Variants in BAZ2B observed in about 807,000 individuals in gnomAD.
BAZ2B encodes the protein bromodomain adjacent to zinc finger domain protein 2B.
BAZ2B carries 91 observed loss-of-function variants against 246.0 expected under a neutral mutation model. That is an observed-to-expected ratio of 0.37 (90% CI 0.31 to 0.44). The LOEUF is 0.44. Among genes scored for constraint, BAZ2B ranks in the 20% least tolerant of loss-of-function variants. The pLI is 1.00. For synonymous variants in BAZ2B, 855 were observed against 860.0 expected (o/e 0.99, Z 0.10); for missense variants, 2,332 against 2,533.7 (o/e 0.92, Z 1.71).
the BAZ2B span, among the ~76,000 whole-genome samples, chr2:159,644,747 G>A: frequency 3.3e-5 from 5 of 152,066 alleles, no homozygotes; most frequent in Admixed American, 6.6e-5. Context: ...TGAGATTGAC[G>A]AATACACCCA....
the BAZ2B span, among the ~76,000 whole-genome samples, chr2:159,670,124 C>T: frequency 2.0e-5 from 3 of 152,092 alleles, no homozygotes; most frequent in Admixed American, 6.6e-5. Context: ...GCATGCACCA[C>T]CATGCCTGGC....
intron 6 of BAZ2B, among the ~76,000 whole-genome samples, chr2:159,445,536 C>G (rs1360319400): frequency 6.6e-6 from 1 of 152,134 alleles, no homozygotes; most frequent in African/African-American, 2.4e-5. Context: ...ACAGTCAAGG[C>G]TGACACACAC....
intron 2 of BAZ2B, among the ~76,000 whole-genome samples, chr2:159,553,412 A>AAG: frequency 7.7e-6 from 1 of 129,312 alleles, no homozygotes; most frequent in East Asian, 2.2e-4. Context: ...AAAAAAAAAA[A>AAG]AAAAGAAAAG....
At chr2:159,423,839 A>G (rs777598170) in intron 13 of BAZ2B, among the ~76,000 whole-genome samples, 2 of 152,260 alleles carry the variant, frequency 1.3e-5, no homozygotes, top group African/African-American at 2.4e-5. Context: ...AGATGTGAAC[A>G]GTAGACACTG....
chr2:159,439,854 A>T (rs879708630), intron 6 of BAZ2B, among the ~76,000 whole-genome samples: 28 of 152,112 alleles, frequency 1.8e-4, no homozygotes, highest in Admixed American at 8.5e-4. Context: ...AGAAAATATT[A>T]AAAAAAAGGT....
intron 2 of BAZ2B, among the ~76,000 whole-genome samples, chr2:159,541,941 C>T (rs1348909362): frequency 6.6e-6 from 1 of 151,984 alleles, no homozygotes; most frequent in African/African-American, 2.4e-5. Flanking sequence ...ACCAGGAAAA[C>T]AATGTATGAA....
At chr2:159,595,466 C>CTT (rs1690469677) in intron 1 of BAZ2B, among the ~76,000 whole-genome samples, 1 of 152,142 alleles carries the variant, frequency 6.6e-6, no homozygotes, top group African/African-American at 2.4e-5. Context: ...ATTTTTGCCA[C>CTT]TTTAAGAGGC....
chr2:159,393,175 G>A (rs2063554237), intron 20 of BAZ2B, among the ~76,000 whole-genome samples: 1 of 152,096 alleles, frequency 6.6e-6, no homozygotes, highest in East Asian at 1.9e-4. Context: ...GGAGTGAGAG[G>A]CAGAGGTCAG....
chr2:159,328,614 A>T (rs949512185), intron 34 of BAZ2B, among the ~76,000 whole-genome samples: 4 of 152,174 alleles, frequency 2.6e-5, no homozygotes, highest in African/African-American at 9.7e-5. Context: ...ATTAAATTTA[A>T]ATAGGGCCAT....
the BAZ2B span, among the ~76,000 whole-genome samples, chr2:159,679,271 CA>C: frequency 1.3e-3 from 85 of 64,458 alleles, no homozygotes; most frequent in Middle Eastern, 0.01. Flanking sequence ...GACTTCATCT[CA>C]AAAAAAAAAA....
At chr2:159,615,482 G>GCCCCAC (rs1695770781) in intron 1 of BAZ2B, 1 of 152,228 alleles carries the variant, frequency 6.6e-6, no homozygotes, top group Non-Finnish European at 1.5e-5. Context: ...AATCCCACCT[G>GCCCCAC]CCCCACCCCC....
chr2:159,605,735 A>T (rs1303794138), intron 1 of BAZ2B, among the ~76,000 whole-genome samples: 1 of 152,180 alleles, frequency 6.6e-6, no homozygotes, highest in Non-Finnish European at 1.5e-5. Context: ...AAAATTAATA[A>T]TAATAAAAAT....
intron 2 of BAZ2B, among the ~76,000 whole-genome samples, chr2:159,527,524 C>T (rs1363158121): frequency 6.6e-6 from 1 of 152,158 alleles, no homozygotes; most frequent in Non-Finnish European, 1.5e-5. Context: ...AAACTCTTCA[C>T]CAAGTTTTGT....
intron 27 of BAZ2B, among the ~76,000 whole-genome samples, chr2:159,362,954 G>A (rs1047009983): frequency 2.6e-5 from 4 of 152,182 alleles, no homozygotes; most frequent in African/African-American, 4.8e-5. Context: ...GCCAGTTACT[G>A]TGAGGCACGG....
In BAZ2B at chr2:159,540,051, G is replaced by C. The variant is rs1231291242; in HGVS notation, c.-3+15772C>G. Among the ~76,000 whole-genome samples the C allele has an allele frequency of 6.6e-5, 10 of 152,208 alleles. No homozygotes were observed. The East Asian group carries it at 1.5e-3, about 23-fold the overall frequency. ...CTGTTTGGAGCTCTTATCAATAATTGAGAATATTTTACTTATATATTTGTT... is the reference window on the plus strand; with the variant it reads ...CTGTTTGGAGCTCTTATCAATAATTCAGAATATTTTACTTATATATTTGTT... On this transcript the variant is annotated intron_variant, in intron 2 of 36. Coordinates refer to ENST00000392783, the MANE Select transcript of BAZ2B (RefSeq NM_013450.4).
Position 159,438,583 on chromosome 2 carries a change from T to A in BAZ2B, c.1013A>T (p.His338Leu). ...PLPLASESQT[H>L]SFQSQQKQPQ... The stretch of plus-strand genomic sequence containing the variant: ...CTGCTTCTGCTGGGATTGGAATGAG[T>A]GAGTCTGGGATTCAGACGCAAGAGG... The change falls in exon 8 of 37, where the codon CAC becomes CTC. Residue 338 changes from histidine (H) to leucine (L), a missense_variant. Transcript: ENST00000392783. The A allele has an allele frequency of 6.2e-7, 1 of 1,614,142 alleles. No individual in the cohort carries two copies. The highest frequency in any genetic ancestry group is 8.5e-7 in the Non-Finnish European group (1 of 1,180,002).
At chr2:159,583,861 T>C (rs1199716223) in intron 1 of BAZ2B, among the ~76,000 whole-genome samples, 1 of 152,090 alleles carries the variant, frequency 6.6e-6, no homozygotes, top group Non-Finnish European at 1.5e-5. Context: ...TTGAAGGATG[T>C]TAAGAACAAG....
chr2:159,559,132 T>C (rs540024026), intron 1 of BAZ2B, among the ~76,000 whole-genome samples: 1 of 152,124 alleles, frequency 6.6e-6, no homozygotes, highest in African/African-American at 2.4e-5. Flanking sequence ...CCCGCCAAGC[T>C]ACTCATGAGG....
the BAZ2B span, among the ~76,000 whole-genome samples, chr2:159,644,001 A>C: frequency 6.6e-6 from 1 of 152,114 alleles, no homozygotes; most frequent in Admixed American, 6.5e-5. Flanking sequence ...TACTAGCTAC[A>C]TGGAGGATGA....
Sources: gnomAD v4.1 joint callset for allele counts (sites outside exome capture counted in the v4.1 genomes callset) on GRCh38, gnomAD v4.1.1 for gene constraint, MANE v1.5 for transcripts, NCBI Gene and HGNC (gene_info 2026-07-23, HGNC 2026-07-21) for gene names.